CCDC18: variants seen among roughly 807,000 people sequenced by gnomAD.
The protein encoded by CCDC18 is coiled-coil domain containing 18.
CCDC18 carries 157 observed loss-of-function variants against 196.0 expected under a neutral mutation model. The ratio of observed to expected loss-of-function variants is 0.80; its 90% CI spans 0.70 to 0.91. CCDC18 has a LOEUF of 0.91. Ranked by LOEUF, CCDC18 falls within the 40% of genes least tolerant of loss-of-function variation. The pLI, the probability that CCDC18 is intolerant of heterozygous loss-of-function variation, is 0.00. For synonymous variants in CCDC18, 482 were observed against 529.2 expected (o/e 0.91, Z 1.22); for missense variants, 1,465 against 1,611.6 (o/e 0.91, Z 1.56).
At position 93,193,664 on chromosome 1, in the gene CCDC18, G is replaced by C; in HGVS notation, c.618G>C (p.Lys206Asn). Reference sequence around the variant, plus strand: ...AGAGCCAGAAAATGGTAATTGAAAAGGAACAGAGTTTGCAGGAGTCCAAAG... The same window carrying C: ...AGAGCCAGAAAATGGTAATTGAAAACGAACAGAGTTTGCAGGAGTCCAAAG... ...LEQSQKMVIE[K>N]EQSLQESKEE... The change falls in exon 6 of 29, where the codon AAG (lysine) becomes AAC (asparagine). Residue 206 changes from lysine (K) to asparagine (N), a missense_variant. Lys to Asn is a moderately conservative substitution (Grantham distance 94, BLOSUM62 0). Coordinates refer to ENST00000690025, the MANE Select transcript of CCDC18 (RefSeq NM_001378204.1). The C allele has an allele frequency of 6.3e-7, 1 of 1,591,564 alleles. No individual in the cohort carries two copies. The highest frequency in any genetic ancestry group is 8.5e-7 in the Non-Finnish European group (1 of 1,170,640).
chr1:93,262,702 G>T (rs374644438), intron 26 of CCDC18, among the ~76,000 whole-genome samples: 1 of 152,252 alleles, frequency 6.6e-6, no homozygotes, highest in African/African-American at 2.4e-5. Context: ...GCAAGCTGTT[G>T]GTGGATCTAC....
chr1:93,217,003 C>T (rs1434262586), intron 13 of CCDC18, among the ~76,000 whole-genome samples: 2 of 140,348 alleles, frequency 1.4e-5, no homozygotes, highest in Non-Finnish European at 3.0e-5. Context: ...GGTGTGATCT[C>T]GGCTCACTGC....
At chr1:93,250,516 G>C (rs1274091181) in intron 23 of CCDC18, among the ~76,000 whole-genome samples, 2 of 151,858 alleles carry the variant, frequency 1.3e-5, no homozygotes, top group East Asian at 3.9e-4. Context: ...TTTCTTTGTT[G>C]ATTTTTTTAA....
intron 4 of CCDC18, among the ~76,000 whole-genome samples, chr1:93,188,117 AGTATT>A (rs755434602): frequency 2.6e-5 from 4 of 152,236 alleles, no homozygotes; most frequent in Non-Finnish European, 5.9e-5. Flanking sequence ...GTAAGATACT[AGTATT>A]GTATTTCTCA....
chr1:93,250,260 A>G (rs1662049698), intron 23 of CCDC18, among the ~76,000 whole-genome samples: 1 of 151,646 alleles, frequency 6.6e-6, no homozygotes, highest in Admixed American at 6.6e-5. Flanking sequence ...GAGCACTTGT[A>G]CTCCCAGCTA....
chr1:93,254,454 A>G lies in CCDC18; in HGVS notation c.3199-17A>G. Reference sequence around the variant, plus strand: ...TTCATTAATTTTACTGATACTGCTTATCTGTTTAAAATTCAGATAGAAAGT... The same window carrying G: ...TTCATTAATTTTACTGATACTGCTTGTCTGTTTAAAATTCAGATAGAAAGT... On this transcript the variant is annotated splice_polypyrimidine_tract_variant and intron_variant, in intron 23 of 28. Coordinates refer to ENST00000690025, the MANE Select transcript of CCDC18 (RefSeq NM_001378204.1). 1 of 1,532,818 alleles carries G rather than the reference A, an allele frequency of 6.5e-7. No individual in the cohort carries two copies. Among genetic ancestry groups the G allele is most frequent in the Non-Finnish European group, 8.9e-7 (1 of 1,122,616 alleles). The allele number at this position is 1,532,818 out of a possible 1,614,324, so 95.0% of individuals were successfully genotyped here.
Position 93,236,271 on chromosome 1 carries a change from TCAAAAA to T in CCDC18, c.2489_2494del (p.Lys830_Gln831del). 6.3e-7 allele frequency: 1 copy of T among 1,576,148 alleles called. No homozygotes were observed. The highest frequency in any genetic ancestry group is 2.1e-5 in the Admixed American group (1 of 48,152). ...AGGTGTCAAAACTGGAACAAGAACTTCAAAAACAAAGGGAAAGTTCAGCTGAAAAGT... is the reference window on the plus strand; with the variant it reads ...AGGTGTCAAAACTGGAACAAGAACTTCAAAGGGAAAGTTCAGCTGAAAAGT... On this transcript the variant is annotated inframe_deletion, in exon 19 of 29. Coordinates refer to ENST00000690025, the MANE Select transcript of CCDC18 (RefSeq NM_001378204.1).
chr1:93,222,407 T>C (rs1657580968), intron 16 of CCDC18, among the ~76,000 whole-genome samples: 1 of 152,180 alleles, frequency 6.6e-6, no homozygotes, highest in South Asian at 2.1e-4. Context: ...TGCTACTTAT[T>C]AACATTACCA....
chr1:93,180,873 G>C, intron 1 of CCDC18, 21 bp downstream of exon 1: 1 of 1,366,526 alleles, frequency 7.3e-7, no homozygotes, highest in Non-Finnish European at 9.8e-7. Context: ...CCCCAGCGAC[G>C]ATTTGGGTGG....
chr1:93,190,951 C>G, intron 4 of CCDC18: 1 of 881,334 alleles, frequency 1.1e-6, no homozygotes, highest in South Asian at 1.3e-5. Flanking sequence ...TCGACACTTT[C>G]CCTGGGCATA....
chr1:93,201,511 G>T (rs1653830401), intron 6 of CCDC18, among the ~76,000 whole-genome samples: 1 of 151,924 alleles, frequency 6.6e-6, no homozygotes, highest in African/African-American at 2.4e-5. Flanking sequence ...AATTTACTGA[G>T]TATATTTAAT....
chr1:93,212,048 GT>G (rs1411299792), intron 10 of CCDC18, 52 bp from the exon 11 acceptor site: 1 of 1,481,592 alleles, frequency 6.7e-7, no homozygotes, highest in East Asian at 2.3e-5. Context: ...TACAGTATGA[GT>G]TTTTTTATAG....
At chr1:93,210,306 T>C (rs1655403911) in intron 9 of CCDC18, among the ~76,000 whole-genome samples, 1 of 152,222 alleles carries the variant, frequency 6.6e-6, no homozygotes, top group Non-Finnish European at 1.5e-5. Flanking sequence ...GCACCTTATT[T>C]GTAAAATTTG....
intron 7 of CCDC18, among the ~76,000 whole-genome samples, chr1:93,202,708 A>G (rs1341926014): frequency 1.3e-5 from 2 of 152,224 alleles, no homozygotes; most frequent in Admixed American, 6.5e-5. Context: ...TTAAACAATC[A>G]TGAAATTCCT....
intron 17 of CCDC18, among the ~76,000 whole-genome samples, chr1:93,227,629 T>C (rs1381840500): frequency 6.6e-6 from 1 of 152,068 alleles, no homozygotes; most frequent in South Asian, 2.1e-4. Flanking sequence ...AAAATTTATT[T>C]TTAGAAATCG....
chr1:93,216,537 A>G (rs1399225321), intron 12 of CCDC18, 99 bp from the exon 13 acceptor site: 4 of 554,134 alleles, frequency 7.2e-6, no homozygotes, highest in African/African-American at 2.0e-5. Flanking sequence ...CCTAGACACA[A>G]TGTATTTGAA....
chr1:93,250,653 G>A (rs1394970847), intron 23 of CCDC18, among the ~76,000 whole-genome samples: 1 of 152,054 alleles, frequency 6.6e-6, no homozygotes, highest in Non-Finnish European at 1.5e-5. Context: ...ATATGCCTGG[G>A]TGCATAGATA....
chr1:93,273,776 C>T (rs776450506), intron 28 of CCDC18, among the ~76,000 whole-genome samples: 8 of 152,152 alleles, frequency 5.3e-5, no homozygotes, highest in Non-Finnish European at 1.0e-4. Context: ...AAAAATCGCA[C>T]CTAATTTATG....
intron 6 of CCDC18, among the ~76,000 whole-genome samples, chr1:93,198,493 G>A (rs1653180510): frequency 6.6e-6 from 1 of 152,172 alleles, no homozygotes; most frequent in African/African-American, 2.4e-5. Context: ...ACACAGGGGT[G>A]CTGGAAGTGT....
Sources: allele counts gnomAD v4.1 joint callset (sites outside exome capture counted in the v4.1 genomes callset), GRCh38; gene constraint gnomAD v4.1.1; transcripts MANE v1.5; gene names NCBI Gene and HGNC (gene_info 2026-07-23, HGNC 2026-07-21).